CAPRIN2: variants seen among roughly 807,000 people sequenced by gnomAD.
CAPRIN2 encodes the protein caprin family member 2, also known as caprin-2.
CAPRIN2 carries 66 observed loss-of-function variants against 130.4 expected under a neutral mutation model. The observed-to-expected ratio is 0.51, with a 90% CI of 0.42 to 0.62. The LOEUF (loss-of-function observed/expected upper bound fraction) is 0.62, where lower values mean the gene tolerates loss of function less well. Among genes scored for constraint, CAPRIN2 ranks in the 20% least tolerant of loss-of-function variants. The probability of loss-of-function intolerance (pLI) is 0.00; values close to 1 mark genes in which losing one functional copy is unlikely to be tolerated. For synonymous variants in CAPRIN2, 471 were observed against 444.1 expected, an observed-to-expected ratio of 1.06 and a Z score of -0.76; for missense variants, 1,185 against 1,246.6, an observed-to-expected ratio of 0.95 and a Z score of 0.74.
At chr12:30,711,425 A>G (rs1419978068) in intron 16 of CAPRIN2, 141 bp downstream of exon 18, 7 of 667,690 alleles carry the variant, frequency 1.0e-5, no homozygotes, top group Non-Finnish European at 1.9e-5. Flanking sequence ...TTAGTACTTT[A>G]GTACTACATT....
chr12:30,742,016 A>G (rs1938807910), intron 2 of CAPRIN2, among the ~76,000 whole-genome samples: 1 of 152,184 alleles, frequency 6.6e-6, no homozygotes, highest in Non-Finnish European at 1.5e-5. Context: ...CCTCAAAAAT[A>G]TGCTAAGTAA....
intron 1 of CAPRIN2, 50 bp downstream of exon 2, chr12:30,753,294 C>T: frequency 2.0e-6 from 3 of 1,463,568 alleles, no homozygotes; most frequent in Non-Finnish European, 2.8e-6. Context: ...AATGTCAGCT[C>T]CTTAATCTTT....
intron 3 of CAPRIN2, among the ~76,000 whole-genome samples, chr12:30,736,397 CAA>C (rs201366580): frequency 7.5e-6 from 1 of 133,312 alleles, no homozygotes. Flanking sequence ...GATTAAAATA[CAA>C]AAAAAAAAAA....
At chr12:30,714,129 A>T (rs994354173) in intron 14 of CAPRIN2, among the ~76,000 whole-genome samples, 2 of 152,136 alleles carry the variant, frequency 1.3e-5, no homozygotes, top group Non-Finnish European at 2.9e-5. Flanking sequence ...GGGTTGGGAA[A>T]GGGTGGTGGT....
exon 12 of CAPRIN2, chr12:30,720,836 T>G: frequency 6.2e-7 from 1 of 1,612,384 alleles, no homozygotes; most frequent in South Asian, 1.1e-5. Flanking sequence ...GGTCATAAAC[T>G]CTGTTTCAGA....
exon 4 of CAPRIN2, chr12:30,734,973 A>G: frequency 6.2e-7 from 1 of 1,609,294 alleles, no homozygotes; most frequent in Non-Finnish European, 8.5e-7. Context: ...CTTACCTCAG[A>G]CTTTCATTTC....
At chr12:30,751,907 G>GTAT (rs2074088545) in intron 1 of CAPRIN2, among the ~76,000 whole-genome samples, 7 of 123,538 alleles carry the variant, frequency 5.7e-5, no homozygotes, top group Admixed American at 3.1e-4. Context: ...ACCCACTATG[G>GTAT]TATTTTTTTT....
At chr12:30,743,379 C>A (rs1434078075) in intron 2 of CAPRIN2, among the ~76,000 whole-genome samples, 1 of 152,164 alleles carries the variant, frequency 6.6e-6, no homozygotes, top group Admixed American at 6.5e-5. Context: ...CAGACCTCAT[C>A]AACCTGGATT....
In CAPRIN2 at chr12:30,713,890, T is replaced by C. The variant is rs533720365; in HGVS notation, c.2501-5A>G. ...GTCCTCTATAAGTATCAAAACCTAATAAATAAACAAACTTACATAAGATTA... is the reference window on the plus strand; with the variant it reads ...GTCCTCTATAAGTATCAAAACCTAACAAATAAACAAACTTACATAAGATTA... On this transcript the variant is annotated splice_region_variant and splice_polypyrimidine_tract_variant and intron_variant, in intron 14 of 16. Transcript: ENST00000298892. 3 of 1,490,444 alleles carry C rather than the reference T, an allele frequency of 2.0e-6. No homozygotes were observed. Among genetic ancestry groups the C allele is most frequent in the Admixed American group, 1.7e-5 (1 of 59,264 alleles). 92.3% of individuals were successfully genotyped at this position (1,490,444 alleles called of 1,614,324 possible).
rs372178040 is a variant in CAPRIN2 at position 30,727,881 on chromosome 12, C to T, written c.1782+767G>A. On this transcript the variant is annotated intron_variant, in intron 8 of 16. Transcript: ENST00000298892. ...CCACCATAAACCTTCTTCATAAAGACCTGGGCTAAACTGAGTGACCATAAA... is the reference window on the plus strand; with the variant it reads ...CCACCATAAACCTTCTTCATAAAGATCTGGGCTAAACTGAGTGACCATAAA... Among the ~76,000 whole-genome samples the T allele has an allele frequency of 5.3e-5, 8 of 152,234 alleles. No homozygotes were observed. The South Asian group carries it at 6.2e-4, about 12-fold the overall frequency.
intron 3 of CAPRIN2, among the ~76,000 whole-genome samples, chr12:30,738,392 T>C (rs770676081): frequency 2.6e-5 from 4 of 152,098 alleles, no homozygotes; most frequent in Admixed American, 6.5e-5. Flanking sequence ...TACCACTTAC[T>C]GGCCATATGA....
chr12:30,749,260 A>T (rs572560837), intron 2 of CAPRIN2, among the ~76,000 whole-genome samples: 72 of 152,294 alleles, frequency 4.7e-4, no homozygotes, highest in Admixed American at 2.7e-3. Flanking sequence ...ATGGAGTCAA[A>T]ATGTCAAAGG....
intron 10 of CAPRIN2, among the ~76,000 whole-genome samples, chr12:30,724,108 C>T (rs559141032): frequency 6.6e-6 from 1 of 152,190 alleles, no homozygotes; most frequent in East Asian, 1.9e-4. Context: ...CCACCAACAA[C>T]ATAAATTACA....
chr12:30,721,061 A>T, intron 11 of CAPRIN2, 146 bp from the exon 13 acceptor site: 1 of 600,552 alleles, frequency 1.7e-6, no homozygotes, highest in Non-Finnish European at 3.0e-6. Flanking sequence ...GTGTTAATAT[A>T]TTTAATCCTA....
At chr12:30,748,360 A>C (rs2071797203) in intron 2 of CAPRIN2, among the ~76,000 whole-genome samples, 2 of 152,232 alleles carry the variant, frequency 1.3e-5, no homozygotes, top group African/African-American at 4.8e-5. Context: ...AGTAATCAAC[A>C]CTGAGGCAAC....
chr12:30,736,919 T>C (rs1042557775), intron 3 of CAPRIN2, among the ~76,000 whole-genome samples: 1 of 152,186 alleles, frequency 6.6e-6, no homozygotes, highest in African/African-American at 2.4e-5. Flanking sequence ...TTATCTCAGA[T>C]TTATCTTTGG....
chr12:30,712,802 C>T (rs1340638528), intron 15 of CAPRIN2, among the ~76,000 whole-genome samples: 3 of 129,668 alleles, frequency 2.3e-5, no homozygotes, highest in South Asian at 2.5e-4. Context: ...AGTGCAATGG[C>T]GCTATCTCTG....
At chr12:30,734,640 A>T (rs967757168) in intron 4 of CAPRIN2, among the ~76,000 whole-genome samples, 9 of 152,156 alleles carry the variant, frequency 5.9e-5, no homozygotes, top group Non-Finnish European at 1.2e-4. Context: ...TTAGAAATAG[A>T]TATAATATTA....
chr12:30,736,781 T>G (rs2065017745), intron 3 of CAPRIN2, among the ~76,000 whole-genome samples: 1 of 152,240 alleles, frequency 6.6e-6, no homozygotes, highest in African/African-American at 2.4e-5. Context: ...CAGGATTCTC[T>G]GATCCTGCTT....
Sources: gnomAD v4.1 joint callset for allele counts (sites outside exome capture counted in the v4.1 genomes callset) on GRCh38, gnomAD v4.1.1 for gene constraint, MANE v1.5 for transcripts, NCBI Gene and HGNC (gene_info 2026-07-23, HGNC 2026-07-21) for gene names.